STXBP5L: variants seen among roughly 807,000 people sequenced by gnomAD.
STXBP5L encodes the protein syntaxin-binding protein 5-like.
STXBP5L carries 65 observed loss-of-function variants against 144.5 expected under a neutral mutation model. That is an observed-to-expected ratio of 0.45 (90% CI 0.37 to 0.55). The LOEUF (loss-of-function observed/expected upper bound fraction) is 0.55, where lower values mean the gene tolerates loss of function less well. Among genes scored for constraint, STXBP5L ranks in the 20% least tolerant of loss-of-function variants. STXBP5L has a pLI of 0.00. For synonymous variants in STXBP5L, 505 were observed against 469.6 expected (o/e 1.08, Z -0.97); for missense variants, 1,298 against 1,405.5 (o/e 0.92, Z 1.22).
rs143064524 is a variant in STXBP5L at position 121,187,788 on chromosome 3, A to G, written c.878-18135A>G. Among the ~76,000 whole-genome samples the G allele has an allele frequency of 2.9e-3, 448 of 152,102 alleles. 2 individuals are homozygous for G. Among genetic ancestry groups the G allele is most frequent in the Non-Finnish European group, 2.3e-3 (158 of 67,978 alleles). On this transcript the variant is annotated intron_variant, in intron 9 of 26. Transcript: ENST00000471454. Reference sequence around the variant, plus strand: ...CAAGGCCCATTGGTGTTCAGTATTCAGGAGACCCATCTCATGTGCAAAAAC... The same window carrying G: ...CAAGGCCCATTGGTGTTCAGTATTCGGGAGACCCATCTCATGTGCAAAAAC...
At chr3:121,248,130 C>T (rs2049914464) in intron 14 of STXBP5L, among the ~76,000 whole-genome samples, 1 of 152,184 alleles carries the variant, frequency 6.6e-6, no homozygotes, top group East Asian at 1.9e-4. Context: ...GTGGCACAGT[C>T]TCGGCTCACT....
intron 19 of STXBP5L, among the ~76,000 whole-genome samples, chr3:121,298,838 G>T (rs1334285657): frequency 6.6e-6 from 1 of 152,166 alleles, no homozygotes; most frequent in Non-Finnish European, 1.5e-5. Flanking sequence ...TATCTGCTGT[G>T]CAACAGTGTG....
At chr3:121,239,573 T>C (rs1014471522) in intron 13 of STXBP5L, among the ~76,000 whole-genome samples, 5 of 150,766 alleles carry the variant, frequency 3.3e-5, no homozygotes, top group East Asian at 2.0e-4. Flanking sequence ...ATGGATGAAA[T>C]TGGAAAGCAT....
intron 20 of STXBP5L, among the ~76,000 whole-genome samples, chr3:121,321,601 C>T (rs777441611): frequency 7.9e-5 from 12 of 152,168 alleles, no homozygotes; most frequent in Admixed American, 5.2e-4. Context: ...TTCTAGCAAG[C>T]TCTTGGCTGA....
At chr3:120,979,898 C>T (rs1306841181) in intron 3 of STXBP5L, among the ~76,000 whole-genome samples, 1 of 152,050 alleles carries the variant, frequency 6.6e-6, no homozygotes, top group Non-Finnish European at 1.5e-5. Context: ...TTTGCTGTAT[C>T]CTGTATGTTT....
rs1171556374 is a variant in STXBP5L at position 121,424,600 on chromosome 3, A to AT, written c.*5504dup. The AT allele has an allele frequency of 2.6e-5, 4 of 152,212 alleles. No individual in the cohort carries two copies. The East Asian group carries it at 7.7e-4, about 29-fold the overall frequency. 9.4% of individuals were successfully genotyped at this position (152,212 alleles called of 1,614,324 possible). ...TTTTATTCTAGGAAATAAGAAACAG[A>AT]TGACATCATTGATGTATCTTTCTTT... On this transcript the variant is annotated 3_prime_UTR_variant, in exon 27 of 27. Transcript: ENST00000471454.
intron 2 of STXBP5L, among the ~76,000 whole-genome samples, chr3:120,928,496 T>C (rs9881138): frequency 0.099 from 15,120 of 152,132 alleles, 1,188 homozygotes; most frequent in Admixed American, 0.2. Context: ...CTCCTGACCT[T>C]GTGATCTGCC....
chr3:121,031,499 C>G (rs1445446280), intron 3 of STXBP5L, among the ~76,000 whole-genome samples: 1 of 151,978 alleles, frequency 6.6e-6, no homozygotes, highest in Non-Finnish European at 1.5e-5. Flanking sequence ...GGTTGGCAGG[C>G]TGGAGACCCA....
chr3:121,408,629 A>G (rs1215319993), intron 23 of STXBP5L, among the ~76,000 whole-genome samples: 2 of 152,004 alleles, frequency 1.3e-5, no homozygotes, highest in Non-Finnish European at 2.9e-5. Flanking sequence ...AGTTTGAAGC[A>G]AATTGTTGAC....
chr3:120,959,228 A>ACC (rs1351819820), intron 3 of STXBP5L, among the ~76,000 whole-genome samples: 1 of 152,184 alleles, frequency 6.6e-6, no homozygotes, highest in East Asian at 1.9e-4. Flanking sequence ...AGAACTACAA[A>ACC]CCACTGCTCA....
intron 9 of STXBP5L, among the ~76,000 whole-genome samples, chr3:121,195,842 C>A (rs1173234118): frequency 6.6e-6 from 1 of 152,162 alleles, no homozygotes; most frequent in East Asian, 1.9e-4. Context: ...AGACTGGGCA[C>A]ACAGTAGGAT....
chr3:121,150,682 TAGAA>T (rs1294769059), intron 7 of STXBP5L, among the ~76,000 whole-genome samples: 1 of 152,144 alleles, frequency 6.6e-6, no homozygotes, highest in Non-Finnish European at 1.5e-5. Flanking sequence ...GGCTCAAATT[TAGAA>T]AGATTATATT....
chr3:121,334,600 G>A (rs2331711), intron 20 of STXBP5L, among the ~76,000 whole-genome samples: 1 of 142,848 alleles, frequency 7.0e-6, no homozygotes, highest in Non-Finnish European at 1.5e-5. Context: ...AAAAAAATAC[G>A]TGCAAATCAA....
At position 121,279,549 on chromosome 3, in the gene STXBP5L, A is replaced by G. The variant is rs541836888; in HGVS notation, c.1959-256A>G. On this transcript the variant is annotated intron_variant, in intron 18 of 26. Transcript: ENST00000471454. ...CCTAGTTTAAAGAGCGGATTGGGTA[A>G]TCACGACTTACATGATAAAACTGCT... Among the ~76,000 whole-genome samples, 18 of 152,004 alleles carry G rather than the reference A, an allele frequency of 1.2e-4. No individual in the cohort carries two copies. In the East Asian group the frequency reaches 3.5e-3, roughly 29 times the overall value.
At chr3:121,332,180 A>G (rs1440468228) in intron 20 of STXBP5L, among the ~76,000 whole-genome samples, 1 of 152,026 alleles carries the variant, frequency 6.6e-6, no homozygotes, top group African/African-American at 2.4e-5. Flanking sequence ...AATTTTGGCA[A>G]TATGACAAAA....
intron 9 of STXBP5L, among the ~76,000 whole-genome samples, chr3:121,200,949 T>C (rs983400803): frequency 6.6e-6 from 1 of 152,232 alleles, no homozygotes; most frequent in South Asian, 2.1e-4. Flanking sequence ...CTGAGAAGAA[T>C]GTATATTCTG....
intron 3 of STXBP5L, among the ~76,000 whole-genome samples, chr3:120,958,717 A>C (rs1938347337): frequency 6.6e-6 from 1 of 152,228 alleles, no homozygotes; most frequent in Non-Finnish European, 1.5e-5. Context: ...CTTCATGCTA[A>C]AAACTCTCAA....
At chr3:121,117,325 CTG>C (rs796302515) in intron 6 of STXBP5L, among the ~76,000 whole-genome samples, 6 of 151,918 alleles carry the variant, frequency 3.9e-5, no homozygotes, top group African/African-American at 1.4e-4. Context: ...TGAAATATCT[CTG>C]AGAAATTATT....
At chr3:121,395,367 A>G (rs939098773) in intron 22 of STXBP5L, among the ~76,000 whole-genome samples, 3 of 152,256 alleles carry the variant, frequency 2.0e-5, no homozygotes, top group Admixed American at 6.5e-5. Flanking sequence ...CAAACAAATA[A>G]GAAATTAAAA....
Sources: allele counts gnomAD v4.1 joint callset (sites outside exome capture counted in the v4.1 genomes callset), GRCh38; gene constraint gnomAD v4.1.1; transcripts MANE v1.5; gene names NCBI Gene and HGNC (gene_info 2026-07-23, HGNC 2026-07-21).